Variants in RHO observed in about 807,000 individuals in gnomAD.
RHO encodes the protein opsin 2, rod pigment.
In RHO, 21 loss-of-function variants were observed where a neutral mutation model predicts 31.2. The ratio of observed to expected loss-of-function variants is 0.67; its 90% confidence interval spans 0.48 to 0.97. The LOEUF is 0.97. Among genes scored for constraint, RHO ranks in the 50% least tolerant of loss-of-function variants. The pLI, the probability that RHO is intolerant of heterozygous loss-of-function variation, is 0.00. For missense variants in RHO, 414 were observed against 479.5 expected, an observed-to-expected ratio of 0.86 and a Z score of 1.28; for synonymous variants, 211 against 196.6, an observed-to-expected ratio of 1.07 and a Z score of -0.61.
chr3:129,532,334 T>C lies in RHO; in HGVS notation c.614T>C (p.Ile205Thr). The change falls in exon 3 of 5, where the codon ATC (isoleucine) becomes ACC (threonine). Residue 205 changes from isoleucine to threonine, a missense_variant. Physicochemically the swap from Ile to Thr is moderately conservative, Grantham distance 89. Coordinates refer to ENST00000296271, the MANE Select transcript of RHO (RefSeq NM_000539.3). This position sits in a 1 kb window ranked among gnomAD's most constrained non-coding sequence, Gnocchi z 5.5. ...KPEVNNESFV[I>T]YMFVVHFTIP... ...GAGGTCAACAACGAGTCTTTTGTCA[T>C]CTACATGTTCGTGGTCCACTTCACC... The C allele has an allele frequency of 6.2e-7, 1 of 1,614,056 alleles. No homozygotes were observed. The highest frequency in any genetic ancestry group is 8.5e-7 in the Non-Finnish European group (1 of 1,179,998).
In RHO at chr3:129,530,533, A is replaced by AACACACACACACACACAC. The variant is rs60120581; in HGVS notation, c.362-325_362-308dup. ...CACACACACACACACACACACACAC[A>AACACACACACACACACAC]ACACACACACACACACACACACACA... On this transcript the variant is annotated intron_variant, in intron 1 of 4. Transcript: ENST00000296271. Among the ~76,000 whole-genome samples, 827 of 122,868 alleles carry AACACACACACACACACAC rather than the reference A, an allele frequency of 6.7e-3. 24 individuals carry two copies. Among genetic ancestry groups the AACACACACACACACACAC allele is most frequent in the East Asian group, 0.029 (118 of 4,104 alleles). The allele number at this position is 122,868 out of a possible 152,430, so 80.6% of individuals were successfully genotyped here.
chr3:129,533,547 G>A (rs747418983), intron 4 of RHO, 61 bp from the exon 5 acceptor site: 116 of 1,240,482 alleles, frequency 9.4e-5, no homozygotes, highest in Non-Finnish European at 1.2e-4. Context: ...CCTCACTAAC[G>A]TGCCAGTTCC....
intron 4 of RHO, among the ~76,000 whole-genome samples, chr3:129,533,125 G>A (rs1240955090): frequency 6.6e-6 from 1 of 152,008 alleles, no homozygotes; most frequent in Admixed American, 6.5e-5. Context: ...AGCTGAATAA[G>A]GAGCTAAAAA....
chr3:129,531,949 C>T (rs1319651025), intron 2 of RHO, among the ~76,000 whole-genome samples: 2 of 152,076 alleles, frequency 1.3e-5, no homozygotes, highest in African/African-American at 4.8e-5. Flanking sequence ...TCCTCACCAA[C>T]CCTCTGCGTG....
intron 1 of RHO, among the ~76,000 whole-genome samples, chr3:129,530,514 C>CACACACACACACACACACA: frequency 7.6e-6 from 1 of 131,090 alleles, no homozygotes; most frequent in Admixed American, 7.3e-5. Flanking sequence ...TAAACACACA[C>CACACACACACACACACACA]ACACACACAC....
rs1404175084 is a variant in RHO, at chr3:129,534,171, A to G, written c.*453A>G. The G allele has an allele frequency of 6.1e-6, 1 of 164,584 alleles. No homozygotes were observed. The highest frequency in any genetic ancestry group is 5.6e-5 in the Admixed American group (1 of 17,794). 10.2% of individuals were successfully genotyped at this position (164,584 alleles called of 1,614,324 possible). ...CTCTCAGACCCTCGCAGCAGCAGCA[A>G]CTCATACTTGGCTAATGATATGGAG... On this transcript the variant is annotated 3_prime_UTR_variant, in exon 5 of 5. Coordinates refer to ENST00000296271, the MANE Select transcript of RHO (RefSeq NM_000539.3).
Position 129,529,088 on chromosome 3 carries a change from C to G in RHO, c.355C>G (p.Leu119Val). 6 of 1,612,436 alleles carry G rather than the reference C, an allele frequency of 3.7e-6. No individual in the cohort carries two copies. Among genetic ancestry groups the G allele is most frequent in the Non-Finnish European group, 5.1e-6 (6 of 1,179,014 alleles). The change falls in exon 1 of 5, where the codon CTG (leucine) becomes GTG (valine). Residue 119 changes from leucine (L) to valine (V), a missense_variant. Physicochemically the swap from Leu to Val is conservative, Grantham distance 32. Coordinates refer to ENST00000296271, the MANE Select transcript of RHO (RefSeq NM_000539.3). ...CAATTTGGAGGGCTTCTTTGCCACC[C>G]TGGGCGGTATGAGCCGGGTGTGGGT... The part of the protein sequence containing the change: ...GCNLEGFFAT[L>V]GGEIALWSLV...
In RHO at chr3:129,533,830, A is replaced by G. The variant is rs913808639; in HGVS notation, c.*112A>G. The G allele has an allele frequency of 1.4e-6, 1 of 718,914 alleles. No homozygotes were observed. Among genetic ancestry groups the G allele is most frequent in the Non-Finnish European group, 2.4e-6 (1 of 420,054 alleles). 44.5% of individuals were successfully genotyped at this position (718,914 alleles called of 1,614,324 possible). ...GCCTGTGCAGAATGAACGAAGTCAC[A>G]TAGGCTCCTTAATTTTTTTTTTTTT... On this transcript the variant is annotated 3_prime_UTR_variant, in exon 5 of 5. Coordinates refer to ENST00000296271, the MANE Select transcript of RHO (RefSeq NM_000539.3).
rs142771862 is a variant in RHO, at chr3:129,533,640, C to T, written c.969C>T (p.Cys323=). 1,698 of 1,614,040 alleles carry T rather than the reference C, an allele frequency of 1.1e-3. 2 individuals carry two copies. Among genetic ancestry groups the T allele is most frequent in the Non-Finnish European group, 1.3e-3 (1,579 of 1,179,954 alleles). Residue 323 remains cysteine, a synonymous_variant, in exon 5 of 5, where the codon TGC becomes TGT. Coordinates refer to ENST00000296271, the MANE Select transcript of RHO (RefSeq NM_000539.3). ...ACTGCATGCTCACCACCATCTGCTG[C>T]GGCAAGAACCCACTGGGTGACGATG... is the stretch of plus-strand genomic sequence containing the variant. ...FRNCMLTTIC[C]GKNPLGDDEA...
chr3:129,529,998 C>T (rs571636757), intron 1 of RHO, among the ~76,000 whole-genome samples: 5 of 152,154 alleles, frequency 3.3e-5, no homozygotes, highest in Non-Finnish European at 7.3e-5. Flanking sequence ...GAGAGCTTAC[C>T]GCCAGCCACA....
rs747002188 is a variant in RHO, at chr3:129,528,910, C to G, written c.177C>G (p.Leu59=). 6 of 1,614,116 alleles carry G rather than the reference C, an allele frequency of 3.7e-6. No homozygotes were observed. The East Asian group carries it at 8.9e-5, about 24-fold the overall frequency. The change falls in exon 1 of 5, where the codon CTC becomes CTG. Residue 59 remains leucine (L), a synonymous_variant. Transcript: ENST00000296271. ...VLGFPINFLT[L]YVTVQHKKLR... ...GCTTCCCCATCAACTTCCTCACGCT[C>G]TACGTCACCGTCCAGCACAAGAAGC...
In RHO at chr3:129,532,865, C is replaced by A. The variant is rs181047668; in HGVS notation, c.936+93C>A. 3.8e-3 allele frequency: 5,803 copies of A among 1,547,036 alleles called. 18 individuals carry two copies. The highest frequency in any genetic ancestry group is 6.6e-3 in the Middle Eastern group (32 of 4,882). On this transcript the variant is annotated intron_variant, in intron 4 of 4. Coordinates refer to ENST00000296271, the MANE Select transcript of RHO (RefSeq NM_000539.3). This position sits in a 1 kb window ranked among gnomAD's most constrained non-coding sequence, Gnocchi z 5.5. ...CTTCCCAGGGCAGGGGAGGGGGCTC[C>A]ATCAGGGTTACTGGCAGCAGTCTTG...
At position 129,533,734 on chromosome 3, in the gene RHO, CTG is replaced by C. The variant is rs747215789; in HGVS notation, c.*19_*20del. 1.3e-6 allele frequency: 2 copies of C among 1,555,354 alleles called. No individual in the cohort carries two copies. The highest frequency in any genetic ancestry group is 1.8e-6 in the Non-Finnish European group (2 of 1,126,948). The stretch of plus-strand genomic sequence containing the variant: ...CCCGGCCTAAGACCTGCCTAGGACT[CTG>C]TGGCCGACTATAGGCGTCTCCCATC... On this transcript the variant is annotated 3_prime_UTR_variant, in exon 5 of 5. Coordinates refer to ENST00000296271, the MANE Select transcript of RHO (RefSeq NM_000539.3).
In RHO at chr3:129,532,753, A is replaced by T; in HGVS notation, c.917A>T (p.Tyr306Phe). ...KSAAIYNPVI[Y>F]IMMNKQFRNC... ...GCCGCCATCTACAACCCTGTCATCT[A>T]TATCATGATGAACAAGCAGGTGCCT... Residue 306 changes from tyrosine to phenylalanine, a missense_variant, in exon 4 of 5, where the codon TAT (tyrosine) becomes TTT (phenylalanine). By Grantham distance (22) the Tyr-to-Phe change is conservative. Transcript: ENST00000296271. This position sits in a 1 kb window ranked among gnomAD's most constrained non-coding sequence, Gnocchi z 5.5. The T allele has an allele frequency of 6.2e-7, 1 of 1,614,162 alleles. No homozygotes were observed. The highest frequency in any genetic ancestry group is 2.2e-5 in the East Asian group (1 of 44,882).
At chr3:129,530,533 A>ACACACACACACACACACACAC (rs1553781099) in intron 1 of RHO, among the ~76,000 whole-genome samples, 21 of 122,916 alleles carry the variant, frequency 1.7e-4, no homozygotes, top group African/African-American at 8.1e-4. Context: ...ACACACACAC[A>ACACACACACACACACACACAC]ACACACACAC....
At chr3:129,530,812 AG>A (rs912562061) in intron 1 of RHO, 63 bp from the exon 2 acceptor site, 59 of 1,603,232 alleles carry the variant, frequency 3.7e-5, no homozygotes, top group Non-Finnish European at 4.9e-5. Flanking sequence ...CTCCCTGTCT[AG>A]GGGGGAGTGC....
Position 129,532,888 on chromosome 3 carries a change from T to C in RHO, c.936+116T>C. 1 of 1,400,962 alleles carries C rather than the reference T, an allele frequency of 7.1e-7. No homozygotes were observed. The highest frequency in any genetic ancestry group is 1.0e-6 in the Non-Finnish European group (1 of 1,004,056). 86.8% of individuals were successfully genotyped at this position (1,400,962 alleles called of 1,614,324 possible). A position where few individuals can be genotyped will look rare whatever the true frequency, so the allele number is the denominator to read the frequency against. On this transcript the variant is annotated intron_variant, in intron 4 of 4. Coordinates refer to ENST00000296271, the MANE Select transcript of RHO (RefSeq NM_000539.3). The surrounding 1 kb of genome is among the most constrained non-coding windows in gnomAD (Gnocchi z 5.5). ...TCCATCAGGGTTACTGGCAGCAGTC[T>C]TGGGTCAGCAGTCCCAATGGGGAGT...
chr3:129,528,812 C>A lies in RHO; in HGVS notation c.79C>A (p.Pro27Thr), dbSNP rs560600890. The A allele has an allele frequency of 1.2e-6, 2 of 1,614,102 alleles. No individual in the cohort carries two copies. The highest frequency in any genetic ancestry group is 1.7e-6 in the Non-Finnish European group (2 of 1,180,042). ...TGVVRSPFEYPQYYLAEPWQF... is the reference protein window; with the variant it reads ...TGVVRSPFEYTQYYLAEPWQF... The stretch of plus-strand genomic sequence containing the variant: ...TGTGGTACGCAGCCCCTTCGAGTAC[C>A]CACAGTACTACCTGGCTGAGCCATG... Residue 27 changes from proline (P) to threonine (T), a missense_variant, in exon 1 of 5, where the codon CCA becomes ACA. Physicochemically the swap from Pro to Thr is conservative, Grantham distance 38. Coordinates refer to ENST00000296271, the MANE Select transcript of RHO (RefSeq NM_000539.3).
rs781375897 is a variant in RHO at position 129,532,321 on chromosome 3, G to A, written c.601G>A (p.Glu201Lys). ...CACGCTCAAGCCGGAGGTCAACAAC[G>A]AGTCTTTTGTCATCTACATGTTCGT... ...YYTLKPEVNN[E>K]SFVIYMFVVH... The change falls in exon 3 of 5, where the codon GAG (glutamate) becomes AAG (lysine). Residue 201 changes from glutamate to lysine, a missense_variant. Transcript: ENST00000296271. This position sits in a 1 kb window ranked among gnomAD's most constrained non-coding sequence, Gnocchi z 5.5. 2 of 1,614,014 alleles carry A rather than the reference G, an allele frequency of 1.2e-6. No individual in the cohort carries two copies. The highest frequency in any genetic ancestry group is 4.5e-5 in the East Asian group (2 of 44,868).
Sources: gnomAD v4.1 joint callset for allele counts (sites outside exome capture counted in the v4.1 genomes callset) on GRCh38, gnomAD v4.1.1 for gene constraint, Gnocchi (gnomAD v3.1) non-coding constraint, MANE v1.5 for transcripts, NCBI Gene and HGNC (gene_info 2026-07-23, HGNC 2026-07-21) for gene names.